The following PAM16 variants were observed in gnomAD, a reference collection of about 807,000 sequenced individuals.
PAM16 encodes mitochondrial import inner membrane translocase subunit TIM16.
In PAM16, 11 loss-of-function variants were observed where a neutral mutation model predicts 17.9. The observed-to-expected ratio is 0.62, with a 90% CI of 0.39 to 1.02. PAM16 has a LOEUF of 1.02. PAM16 is among the 50% of genes least tolerant of loss of function. PAM16 has a pLI of 0.01. For missense variants in PAM16, 199 were observed against 165.4 expected, an observed-to-expected ratio of 1.20 and a Z score of -1.11; for synonymous variants, 72 against 67.4, an observed-to-expected ratio of 1.07 and a Z score of -0.34.
At chr16:4,340,528 A>G (rs1020631468) in intron 4 of PAM16, 123 bp from the exon 5 acceptor site, 8 of 1,087,068 alleles carry the variant, frequency 7.4e-6, no homozygotes, top group Middle Eastern at 3.0e-4. Flanking sequence ...GTGGATACCA[A>G]TGCTTCCTTC....
chr16:4,345,768 T>A, intron 1 of PAM16: 1 of 857,038 alleles, frequency 1.2e-6, no homozygotes, highest in Non-Finnish European at 1.4e-6. Context: ...ATGCACCTGA[T>A]GACACCTGCG....
chr16:4,351,275 G>A lies in PAM16; in HGVS notation c.-41C>T, dbSNP rs1237982981. Reference sequence around the variant, plus strand: ...TCCGGGGCTCAAACTCCGACTTCCTGGCCCCGCGGCCGGGGATCAAGCGTG... The same window carrying A: ...TCCGGGGCTCAAACTCCGACTTCCTAGCCCCGCGGCCGGGGATCAAGCGTG... On this transcript the variant is annotated 5_prime_UTR_variant, in exon 1 of 5. Coordinates refer to ENST00000318059, the MANE Select transcript of PAM16 (RefSeq NM_016069.11). 6.9e-7 allele frequency: 1 copy of A among 1,450,806 alleles called. No homozygotes were observed. The highest frequency in any genetic ancestry group is 1.5e-5 in the South Asian group (1 of 68,280). 89.9% of individuals were successfully genotyped at this position (1,450,806 alleles called of 1,614,324 possible).
At chr16:4,344,551 CGTGAGAGGAGGGGGTTCT>C (rs2053714623) in intron 1 of PAM16, among the ~76,000 whole-genome samples, 1 of 2,656 alleles carries the variant, frequency 3.8e-4, no homozygotes, top group Non-Finnish European at 7.3e-4. Flanking sequence ...GAGGGGGTTC[CGTGAGAGGAGGGGGTTCT>C]GTGAGAGGAG....
At chr16:4,345,842 G>A in intron 1 of PAM16, 1 of 985,288 alleles carries the variant, frequency 1.0e-6, no homozygotes, top group South Asian at 4.7e-5. Context: ...CTCAGGGATG[G>A]GATGCTGGTG....
At chr16:4,341,628 A>T in intron 2 of PAM16, 124 bp from the exon 3 acceptor site, 1 of 1,437,202 alleles carries the variant, frequency 7.0e-7, no homozygotes, top group East Asian at 2.5e-5. Flanking sequence ...GGTGGCTAGG[A>T]GCTGCCTCTT....
intron 1 of PAM16, 86 bp from the exon 2 acceptor site, chr16:4,343,377 G>A (rs1332749860): frequency 3.3e-6 from 5 of 1,519,476 alleles, no homozygotes; most frequent in Non-Finnish European, 4.4e-6. Flanking sequence ...CGAGGGGCAA[G>A]GCTCCCGGAG....
intron 3 of PAM16, 93 bp downstream of exon 3, chr16:4,341,275 T>C (rs1416599185): frequency 1.3e-5 from 19 of 1,494,842 alleles, no homozygotes; most frequent in Non-Finnish European, 1.7e-5. Flanking sequence ...AGCTGCAGCC[T>C]CCACATCGGA....
intron 1 of PAM16, chr16:4,347,581 C>T (rs1228696327): frequency 6.6e-6 from 1 of 152,426 alleles, no homozygotes; most frequent in African/African-American, 2.4e-5. Flanking sequence ...AGGCAAGCCC[C>T]TCATCCACCT....
At chr16:4,345,810 C>T (rs2053749554) in intron 1 of PAM16, 10 of 983,774 alleles carry the variant, frequency 1.0e-5, no homozygotes, top group Middle Eastern at 5.2e-4. Context: ...TTCCTAAAGC[C>T]CCTCCCGAGT....
At chr16:4,341,567 G>A (rs1012239912) in intron 2 of PAM16, 63 bp from the exon 3 acceptor site, 41 of 1,524,542 alleles carry the variant, frequency 2.7e-5, no homozygotes, top group Admixed American at 5.8e-5. Context: ...TGGGCCTTCC[G>A]AGTTGGTGGC....
rs993277926 is a variant in PAM16, at chr16:4,349,141, G to C, written c.3+2091C>G. Among the ~76,000 whole-genome samples the C allele has an allele frequency of 2.6e-5, 4 of 151,304 alleles. No homozygotes were observed. The South Asian group carries it at 6.3e-4, about 24-fold the overall frequency. On this transcript the variant is annotated intron_variant, in intron 1 of 4. Coordinates refer to ENST00000318059, the MANE Select transcript of PAM16 (RefSeq NM_016069.11). Reference sequence around the variant, plus strand: ...CGGCTAATTTTTTGTATTTTTAGTAGAGACGGGGTTTCACCATGTTAGCCA... The same window carrying C: ...CGGCTAATTTTTTGTATTTTTAGTACAGACGGGGTTTCACCATGTTAGCCA...
rs1228812033 is a variant in PAM16, at chr16:4,347,392, G to A, written c.3+3840C>T. 3.3e-5 allele frequency: 5 copies of A among 152,098 alleles called. No homozygotes were observed. In the East Asian group the frequency reaches 5.8e-4, roughly 18 times the overall value. The allele number at this position is 152,098 out of a possible 1,614,324, so 9.4% of individuals were successfully genotyped here. On this transcript the variant is annotated intron_variant, in intron 1 of 4. Transcript: ENST00000318059. The stretch of plus-strand genomic sequence containing the variant: ...TAGGTTCGCATGAACTGCCCTCCTC[G>A]GCTTCCCAAAGTGCTAGGATTACAG...
At chr16:4,349,625 G>A (rs2053815356) in intron 1 of PAM16, among the ~76,000 whole-genome samples, 1 of 152,076 alleles carries the variant, frequency 6.6e-6, no homozygotes, top group African/African-American at 2.4e-5. Flanking sequence ...AAATTAGCCA[G>A]GTGTGCTGGC....
At chr16:4,345,248 A>G (rs1414904163) in intron 1 of PAM16, 1 of 152,102 alleles carries the variant, frequency 6.6e-6, no homozygotes, top group Non-Finnish European at 1.5e-5. Context: ...TCAGTCAACA[A>G]GTATCAACTG....
Position 4,348,817 on chromosome 16 carries a change from G to A in PAM16, c.3+2415C>T, listed in dbSNP as rs1229076775. ...ACTACAGGCACACGCTGCCATGCCC[G>A]GCTAATTTTTTGTATTTTTAGTACA... On this transcript the variant is annotated intron_variant, in intron 1 of 4. Coordinates refer to ENST00000318059, the MANE Select transcript of PAM16 (RefSeq NM_016069.11). Among the ~76,000 whole-genome samples the A allele has an allele frequency of 5.9e-5, 9 of 151,740 alleles. No individual in the cohort carries two copies. The East Asian group carries it at 1.2e-3, about 20-fold the overall frequency.
chr16:4,350,550 A>G (rs1219111444), intron 1 of PAM16, among the ~76,000 whole-genome samples: 2 of 151,708 alleles, frequency 1.3e-5, no homozygotes, highest in South Asian at 2.1e-4. Context: ...ACAGGCGCGC[A>G]CCACCCCACC....
At chr16:4,345,774 C>G in intron 1 of PAM16, 4 of 906,404 alleles carry the variant, frequency 4.4e-6, no homozygotes, top group Non-Finnish European at 5.3e-6. Flanking sequence ...CTGATGACAC[C>G]TGCGGTCTCA....
chr16:4,341,308 C>G, intron 3 of PAM16, 60 bp downstream of exon 3: 2 of 1,532,114 alleles, frequency 1.3e-6, no homozygotes. Context: ...GGCCTCCCTT[C>G]ACTCTTCCCA....
rs1446514535 is a variant in PAM16 at position 4,351,235 on chromosome 16, G to A, written c.-1C>T. 1 of 1,467,200 alleles carries A rather than the reference G, an allele frequency of 6.8e-7. No homozygotes were observed. Among genetic ancestry groups the A allele is most frequent in the East Asian group, 2.7e-5 (1 of 36,664 alleles). 90.9% of individuals were successfully genotyped at this position (1,467,200 alleles called of 1,614,324 possible). On this transcript the variant is annotated 5_prime_UTR_variant, in exon 1 of 5. Coordinates refer to ENST00000318059, the MANE Select transcript of PAM16 (RefSeq NM_016069.11). ...TAGCGCCCGACTCGGGGCTCACCAT[G>A]GCAGCCGCTCTGCCTCCGGGGCTCA...
Sources: gnomAD v4.1 joint callset for allele counts (sites outside exome capture counted in the v4.1 genomes callset) on GRCh38, gnomAD v4.1.1 for gene constraint, MANE v1.5 for transcripts, NCBI Gene and HGNC (gene_info 2026-07-23, HGNC 2026-07-21) for gene names.